MOB3A: variants seen among roughly 807,000 people sequenced by gnomAD.
MOB3A encodes MOB LAK.
In MOB3A, 17 loss-of-function variants were observed where a neutral mutation model predicts 17.8. The observed-to-expected ratio is 0.95, with a 90% CI of 0.65 to 1.43. The LOEUF (loss-of-function observed/expected upper bound fraction) is 1.43. Among genes scored for constraint, MOB3A ranks in the 40% most tolerant of loss-of-function variants. The pLI is 0.00. For missense variants in MOB3A, 333 were observed against 310.8 expected (o/e 1.07, Z -0.54); for synonymous variants, 124 against 133.2 (o/e 0.93, Z 0.48).
intron 1 of MOB3A, among the ~76,000 whole-genome samples, chr19:2,089,254 G>A (rs142111717): frequency 1.3e-5 from 2 of 152,308 alleles, no homozygotes; most frequent in Non-Finnish European, 2.9e-5. Context: ...CGTGCTGCAC[G>A]TCCAGAAGCT....
chr19:2,071,255 C>T lies in MOB3A; in HGVS notation c.*2140G>A, dbSNP rs1055787051. ...TTCATCTTCCAGGTACAAGGAGATACATTTCATCAAGCAGTTCCTGATTTC... is the reference window on the plus strand; with the variant it reads ...TTCATCTTCCAGGTACAAGGAGATATATTTCATCAAGCAGTTCCTGATTTC... On this transcript the variant is annotated 3_prime_UTR_variant, in exon 5 of 5. Transcript: ENST00000357066. 1 of 152,226 alleles carries T rather than the reference C, an allele frequency of 6.6e-6. No homozygotes were observed. Among genetic ancestry groups the T allele is most frequent in the Non-Finnish European group, 1.5e-5 (1 of 68,050 alleles). The allele number at this position is 152,226 out of a possible 1,614,324, so 9.4% of individuals were successfully genotyped here.
intron 2 of MOB3A, among the ~76,000 whole-genome samples, chr19:2,081,288 G>C (rs1465269347): frequency 6.6e-6 from 1 of 151,978 alleles, no homozygotes; most frequent in Admixed American, 6.6e-5. Context: ...GCATTGTTTG[G>C]AAAAAAAGCA....
chr19:2,095,420 G>A (rs568370346), intron 1 of MOB3A: 1 of 152,396 alleles, frequency 6.6e-6, no homozygotes, highest in East Asian at 1.9e-4. Flanking sequence ...CCGGGGTGGG[G>A]GGGCCCTGCC....
rs180947643 is a variant in MOB3A, at chr19:2,073,900, A to G, written c.625-476T>C. Among the ~76,000 whole-genome samples, 12 of 152,224 alleles carry G rather than the reference A, an allele frequency of 7.9e-5. No homozygotes were observed. The East Asian group carries it at 2.3e-3, about 29-fold the overall frequency. On this transcript the variant is annotated intron_variant, in intron 4 of 4. Transcript: ENST00000357066. ...ATAGAAATTAGCCTGGCATGGTGGC[A>G]GGCACCTGTAATCCCAGCTACTCAG...
At position 2,072,982 on chromosome 19, in the gene MOB3A, G is replaced by A. The variant is rs2017357826; in HGVS notation, c.*413C>T. The A allele has an allele frequency of 4.9e-6, 1 of 203,094 alleles. No homozygotes were observed. Among genetic ancestry groups the A allele is most frequent in the Non-Finnish European group, 9.9e-6 (1 of 100,868 alleles). 12.6% of individuals were successfully genotyped at this position (203,094 alleles called of 1,614,324 possible). On this transcript the variant is annotated 3_prime_UTR_variant, in exon 5 of 5. Coordinates refer to ENST00000357066, the MANE Select transcript of MOB3A (RefSeq NM_130807.3). ...GCAAGCTGGGTGCCCTTGAGAGACA[G>A]GCCCAGGCAGGGCTGTGGCCACAGC...
rs2017355174 is a variant in MOB3A at position 2,072,807 on chromosome 19, G to A, written c.*588C>T. The A allele has an allele frequency of 6.6e-6, 1 of 152,446 alleles. No homozygotes were observed. The highest frequency in any genetic ancestry group is 6.5e-5 in the Admixed American group (1 of 15,278). The allele number at this position is 152,446 out of a possible 1,614,324, so 9.4% of individuals were successfully genotyped here. A position where few individuals can be genotyped will look rare whatever the true frequency, so the allele number is the denominator to read the frequency against. On this transcript the variant is annotated 3_prime_UTR_variant, in exon 5 of 5. Transcript: ENST00000357066. ...TGGGGAGGGAGGAAAGAGGCTGCCTGGGTCCAGGTTGTGCCTCTGTGTGAA... is the reference window on the plus strand; with the variant it reads ...TGGGGAGGGAGGAAAGAGGCTGCCTAGGTCCAGGTTGTGCCTCTGTGTGAA...
intron 1 of MOB3A, among the ~76,000 whole-genome samples, chr19:2,094,337 G>A (rs1182593252): frequency 9.2e-5 from 14 of 152,132 alleles, no homozygotes; most frequent in African/African-American, 3.4e-4. Flanking sequence ...ACGAACGACT[G>A]CGCCGGGCCA....
rs952248234 is a variant in MOB3A, at chr19:2,073,055, T to A, written c.*340A>T. 1 of 347,138 alleles carries A rather than the reference T, an allele frequency of 2.9e-6. No homozygotes were observed. Among genetic ancestry groups the A allele is most frequent in the African/African-American group, 2.1e-5 (1 of 47,208 alleles). The allele number at this position is 347,138 out of a possible 1,614,324, so 21.5% of individuals were successfully genotyped here. The stretch of plus-strand genomic sequence containing the variant: ...GGTGGAGGCAGAAGTTCCAGGAGCC[T>A]GGGAGCCACCCAGGGCAAGGAGTGA... On this transcript the variant is annotated 3_prime_UTR_variant, in exon 5 of 5. Coordinates refer to ENST00000357066, the MANE Select transcript of MOB3A (RefSeq NM_130807.3).
intron 2 of MOB3A, among the ~76,000 whole-genome samples, chr19:2,079,990 C>T (rs532727722): frequency 1.5e-3 from 227 of 152,342 alleles, no homozygotes; most frequent in Middle Eastern, 6.8e-3. Context: ...GAGTCCATCC[C>T]GCACAGGGCG....
At chr19:2,077,082 G>A in intron 3 of MOB3A, 69 bp from the exon 4 acceptor site, 1 of 1,390,288 alleles carries the variant, frequency 7.2e-7, no homozygotes, top group Non-Finnish European at 1.0e-6. Context: ...TTTGCTCCTG[G>A]ATGTGACAAG....
At chr19:2,084,342 A>C (rs2017526431) in intron 2 of MOB3A, 1 of 333,990 alleles carries the variant, frequency 3.0e-6, no homozygotes, top group Non-Finnish European at 6.0e-6. Flanking sequence ...AAAATACAAA[A>C]AACTAGCCGG....
chr19:2,084,541 A>C (rs1286280329), intron 2 of MOB3A, among the ~76,000 whole-genome samples: 1 of 152,050 alleles, frequency 6.6e-6, no homozygotes, highest in Non-Finnish European at 1.5e-5. Flanking sequence ...ACATCTTCTG[A>C]AGAACCTTGT....
At chr19:2,077,580 C>T (rs565573615) in intron 3 of MOB3A, among the ~76,000 whole-genome samples, 2 of 152,126 alleles carry the variant, frequency 1.3e-5, no homozygotes, top group South Asian at 4.2e-4. Flanking sequence ...GGCCCAGGGG[C>T]TCCATGGCAG....
At chr19:2,091,858 G>A (rs1462845491) in intron 1 of MOB3A, among the ~76,000 whole-genome samples, 3 of 150,308 alleles carry the variant, frequency 2.0e-5, no homozygotes, top group Non-Finnish European at 3.0e-5. Flanking sequence ...TTAGCCAGGC[G>A]TGGTGGCGGG....
At chr19:2,077,190 C>G (rs1022127963) in intron 3 of MOB3A, among the ~76,000 whole-genome samples, 177 bp from the exon 4 acceptor site, 18 of 152,152 alleles carry the variant, frequency 1.2e-4, no homozygotes, top group Admixed American at 1.0e-3. Flanking sequence ...CACTTGAGGT[C>G]TGGAGTTCGA....
intron 3 of MOB3A, among the ~76,000 whole-genome samples, chr19:2,077,376 T>A (rs972936265): frequency 1.3e-5 from 2 of 151,032 alleles, no homozygotes; most frequent in African/African-American, 2.4e-5. Context: ...CACTCCAGCC[T>A]GGGTGACAGA....
intron 2 of MOB3A, among the ~76,000 whole-genome samples, chr19:2,080,965 A>G (rs1022398727): frequency 1.3e-5 from 2 of 151,982 alleles, no homozygotes; most frequent in Admixed American, 6.6e-5. Flanking sequence ...ACATGGCAAG[A>G]CCTCGTCTCT....
intron 2 of MOB3A, among the ~76,000 whole-genome samples, chr19:2,079,102 C>T (rs1473716357): frequency 1.3e-5 from 2 of 152,202 alleles, no homozygotes; most frequent in Non-Finnish European, 2.9e-5. Context: ...GAGTTTCACC[C>T]AAAGGGGGCC....
Position 2,078,469 on chromosome 19 carries a change from A to G in MOB3A, c.92T>C (p.Leu31Pro). ...KFEPGTQRFELHKKAQASLNA... is the reference protein window; with the variant it reads ...KFEPGTQRFEPHKKAQASLNA... Reference sequence around the variant, plus strand: ...CAGCGACGCCTGCGCCTTCTTGTGCAGCTCGAAGCGCTGGGTGCCTGGCTC... The same window carrying G: ...CAGCGACGCCTGCGCCTTCTTGTGCGGCTCGAAGCGCTGGGTGCCTGGCTC... The change falls in exon 3 of 5, where the codon CTG becomes CCG. Residue 31 changes from leucine (L) to proline (P), a missense_variant. Leu to Pro is a moderately conservative substitution (Grantham distance 98). Transcript: ENST00000357066. The G allele has an allele frequency of 6.2e-7, 1 of 1,611,550 alleles. No individual in the cohort carries two copies. The highest frequency in any genetic ancestry group is 8.5e-7 in the Non-Finnish European group (1 of 1,178,020).
Sources: allele counts gnomAD v4.1 joint callset (sites outside exome capture counted in the v4.1 genomes callset), GRCh38; gene constraint gnomAD v4.1.1; transcripts MANE v1.5; gene names NCBI Gene and HGNC (gene_info 2026-07-23, HGNC 2026-07-21).